Variants in SDF2 observed in about 807,000 individuals in gnomAD.
SDF2 encodes stromal cell derived factor 2, also known as stromal cell-derived factor 2.
Under a neutral mutation model 20.5 loss-of-function variants are expected in SDF2, and 12 were observed. The observed-to-expected ratio is 0.58, with a 90% CI of 0.37 to 0.95. The LOEUF is 0.95. Among genes scored for constraint, SDF2 ranks in the 40% least tolerant of loss-of-function variants. SDF2 has a pLI of 0.01. For synonymous variants in SDF2, 100 were observed against 101.0 expected (o/e 0.99, Z 0.06); for missense variants, 238 against 263.1 (o/e 0.90, Z 0.66).
intron 1 of SDF2, chr17:28,657,685 ACCACAC>A (rs2071976727): frequency 1.3e-5 from 2 of 151,948 alleles, no homozygotes; most frequent in Non-Finnish European, 2.9e-5. Context: ...GATGTGAGCC[ACCACAC>A]CCAGCCTAAA....
At chr17:28,661,248 A>AGT (rs942590256) in intron 1 of SDF2, 4 of 435,446 alleles carry the variant, frequency 9.2e-6, no homozygotes, top group Non-Finnish European at 1.8e-5. Context: ...GTAGTCAACG[A>AGT]GTGAGCTCTT....
intron 1 of SDF2, among the ~76,000 whole-genome samples, chr17:28,658,466 A>G (rs1014095056): frequency 6.6e-6 from 1 of 152,090 alleles, no homozygotes; most frequent in Admixed American, 6.5e-5. Flanking sequence ...ACTCTTAACG[A>G]GCATGCTGCC....
At chr17:28,653,797 G>A (rs909712280) in intron 2 of SDF2, among the ~76,000 whole-genome samples, 4 of 152,090 alleles carry the variant, frequency 2.6e-5, no homozygotes, top group East Asian at 1.9e-4. Context: ...GGGACAGAGC[G>A]AGACTCTGTC....
At position 28,649,875 on chromosome 17, in the gene SDF2, T is replaced by C. The variant is rs376647728; in HGVS notation, c.349-599A>G. ...GTGATCATACCACTGCACTCCAGCT[T>C]GGATTACAGAGCAAGACCCCATCTC... On this transcript the variant is annotated intron_variant, in intron 2 of 2. Coordinates refer to ENST00000247020, the MANE Select transcript of SDF2 (RefSeq NM_006923.4). Among the ~76,000 whole-genome samples the C allele has an allele frequency of 2.1e-3, 318 of 149,282 alleles. 3 individuals are homozygous for C. The highest frequency in any genetic ancestry group is 7.0e-3 in the African/African-American group (283 of 40,170).
chr17:28,653,330 G>A (rs187687832), intron 2 of SDF2, among the ~76,000 whole-genome samples: 12 of 152,192 alleles, frequency 7.9e-5, no homozygotes, highest in Admixed American at 3.9e-4. Context: ...TTATAAGTCC[G>A]GTCTAATCAC....
intron 1 of SDF2, among the ~76,000 whole-genome samples, chr17:28,656,820 G>A (rs1321804116): frequency 6.6e-6 from 1 of 152,098 alleles, no homozygotes; most frequent in African/African-American, 2.4e-5. Context: ...TATTATTCAT[G>A]TTCATTAACT....
intron 1 of SDF2, among the ~76,000 whole-genome samples, chr17:28,659,089 C>A (rs1240093254): frequency 1.5e-5 from 2 of 129,922 alleles, no homozygotes; most frequent in Non-Finnish European, 3.2e-5. Context: ...AACTCCCAGA[C>A]GAAGGGCGGC....
rs530670837 is a variant in SDF2, at chr17:28,651,310, T to G, written c.349-2034A>C. On this transcript the variant is annotated intron_variant, in intron 2 of 2. Transcript: ENST00000247020. ...AACTCCCAGCCTCAAGTGATCCACCTACCTCAGCGTAGTAAAGTGCTGGGA... is the reference window on the plus strand; with the variant it reads ...AACTCCCAGCCTCAAGTGATCCACCGACCTCAGCGTAGTAAAGTGCTGGGA... 5.9e-5 allele frequency among the ~76,000 whole-genome samples: 9 copies of G among 152,334 alleles called. No individual in the cohort carries two copies. The East Asian group carries it at 1.3e-3, about 23-fold the overall frequency.
intron 2 of SDF2, among the ~76,000 whole-genome samples, chr17:28,651,087 T>C (rs2071911199): frequency 2.0e-5 from 3 of 147,936 alleles, no homozygotes; most frequent in Admixed American, 6.7e-5. Context: ...CTTTACTTTT[T>C]TGAGACAGCA....
chr17:28,651,746 G>A (rs775661251), intron 2 of SDF2, among the ~76,000 whole-genome samples: 8 of 151,998 alleles, frequency 5.3e-5, no homozygotes, highest in African/African-American at 7.3e-5. Context: ...GTTTCTATAC[G>A]ATGGCAATTA....
chr17:28,655,369 C>A lies in SDF2; in HGVS notation c.266G>T (p.Gly89Val), dbSNP rs758409844. 2.0e-5 allele frequency: 33 copies of A among 1,614,244 alleles called. No homozygotes were observed. The highest frequency in any genetic ancestry group is 2.0e-5 in the Non-Finnish European group (24 of 1,180,044). Reference sequence around the variant, plus strand: ...GACATGTGTCAGCCGGATGGGCTGGCCACACTTGATGGGGGTTCCCCTCTC... The same window carrying A: ...GACATGTGTCAGCCGGATGGGCTGGACACACTTGATGGGGGTTCCCCTCTC... ...VCERGTPIKC[G>V]QPIRLTHVNT... The change falls in exon 2 of 3, where the codon GGC becomes GTC. Residue 89 changes from glycine (G) to valine (V), a missense_variant. Physicochemically the swap from Gly to Val is moderately radical, Grantham distance 109. Coordinates refer to ENST00000247020, the MANE Select transcript of SDF2 (RefSeq NM_006923.4).
chr17:28,662,144 A>C (rs2072061473), upstream of SDF2: 1 of 372,694 alleles, frequency 2.7e-6, no homozygotes, highest in African/African-American at 2.0e-5. Context: ...CGAGAGCGGG[A>C]GAGAGAACAA....
At chr17:28,657,404 A>T (rs1029740977) in intron 1 of SDF2, among the ~76,000 whole-genome samples, 10 of 146,304 alleles carry the variant, frequency 6.8e-5, no homozygotes, top group African/African-American at 1.5e-4. Context: ...ATATATATGT[A>T]TTTTTTTTTT....
rs1490630230 is a variant in SDF2, at chr17:28,648,816, T to C, written c.*173A>G. On this transcript the variant is annotated 3_prime_UTR_variant, in exon 3 of 3. Transcript: ENST00000247020. The stretch of plus-strand genomic sequence containing the variant: ...CACGCAAGTCTGGGAGAGTGACTAG[T>C]TCAAATGTGCAGGGCTGAAGCTTCC... 1.5e-6 allele frequency: 1 copy of C among 662,640 alleles called. No individual in the cohort carries two copies. The highest frequency in any genetic ancestry group is 1.9e-5 in the South Asian group (1 of 52,180). 41.0% of individuals were successfully genotyped at this position (662,640 alleles called of 1,614,324 possible). A position where few individuals can be genotyped will look rare whatever the true frequency, so the allele number is the denominator to read the frequency against.
intron 1 of SDF2, among the ~76,000 whole-genome samples, chr17:28,658,162 T>G (rs1166785064): frequency 1.3e-5 from 2 of 152,322 alleles, no homozygotes; most frequent in African/African-American, 4.8e-5. Flanking sequence ...TTTTCTGCTT[T>G]CTATTCAACC....
chr17:28,653,791 C>T (rs1260209388), intron 2 of SDF2, among the ~76,000 whole-genome samples: 2 of 151,992 alleles, frequency 1.3e-5, no homozygotes, highest in African/African-American at 2.4e-5. Flanking sequence ...CAGCCTGGGA[C>T]AGAGCGAGAC....
At chr17:28,661,974 A>C, upstream of SDF2, 2 of 1,398,504 alleles carry the variant, frequency 1.4e-6, no homozygotes, top group East Asian at 2.3e-5. Flanking sequence ...GGAAGTGAAG[A>C]AGCCCGAGTC....
At chr17:28,654,611 T>C (rs1457787428) in intron 2 of SDF2, among the ~76,000 whole-genome samples, 2 of 151,604 alleles carry the variant, frequency 1.3e-5, no homozygotes, top group East Asian at 3.9e-4. Context: ...AGGTCAGGAG[T>C]TCGAGACCAG....
At chr17:28,653,858 T>G (rs1483614612) in intron 2 of SDF2, among the ~76,000 whole-genome samples, 1 of 152,092 alleles carries the variant, frequency 6.6e-6, no homozygotes, top group African/African-American at 2.4e-5. Context: ...AAAAAAACTA[T>G]GGTCTTTAGT....
Sources: allele counts gnomAD v4.1 joint callset (sites outside exome capture counted in the v4.1 genomes callset), GRCh38; gene constraint gnomAD v4.1.1; transcripts MANE v1.5; gene names NCBI Gene and HGNC (gene_info 2026-07-23, HGNC 2026-07-21).